GHR: variants seen among roughly 807,000 people sequenced by gnomAD.
GHR encodes growth hormone receptor, also known as GH receptor.
In GHR, 35 loss-of-function variants were observed where a neutral mutation model predicts 67.1. The observed-to-expected ratio is 0.52, with a 90% CI of 0.40 to 0.69. The LOEUF is 0.69. GHR is among the 30% of genes least tolerant of loss of function. GHR has a pLI of 0.00. For synonymous variants in GHR, 272 were observed against 269.1 expected (o/e 1.01, Z -0.10); for missense variants, 792 against 764.6 (o/e 1.04, Z -0.42).
intron 1 of GHR, among the ~76,000 whole-genome samples, chr5:42,429,980 G>A (rs1166918258): frequency 6.6e-6 from 1 of 152,178 alleles, no homozygotes; most frequent in African/African-American, 2.4e-5. Context: ...ACTTCCTTGG[G>A]CAACTGGGAT....
At chr5:42,590,684 T>A (rs996945573) in intron 2 of GHR, among the ~76,000 whole-genome samples, 2 of 152,214 alleles carry the variant, frequency 1.3e-5, no homozygotes, top group African/African-American at 4.8e-5. Context: ...AATGTGACTG[T>A]AGAGCAGCCT....
intron 3 of GHR, among the ~76,000 whole-genome samples, chr5:42,651,824 C>T (rs958889706): frequency 6.6e-6 from 1 of 151,888 alleles, no homozygotes; most frequent in Non-Finnish European, 1.5e-5. Context: ...ACCTCACTCT[C>T]GAGTTAAACT....
intron 2 of GHR, among the ~76,000 whole-genome samples, chr5:42,579,203 G>A (rs1290013121): frequency 6.7e-6 from 1 of 150,062 alleles, no homozygotes; most frequent in African/African-American, 2.4e-5. Context: ...TAGATAGACA[G>A]ATAGATAGAT....
At chr5:42,608,428 C>CT (rs200023038) in intron 2 of GHR, among the ~76,000 whole-genome samples, 8 of 149,866 alleles carry the variant, frequency 5.3e-5, no homozygotes, top group Non-Finnish European at 7.4e-5. Flanking sequence ...CCCCTAACTA[C>CT]TTTTTTTTTA....
chr5:42,450,604 G>A (rs185250369), intron 1 of GHR, among the ~76,000 whole-genome samples: 48 of 151,700 alleles, frequency 3.2e-4, no homozygotes, highest in African/African-American at 1.1e-3. Flanking sequence ...TTGCATTTTT[G>A]TTGTTGTTGT....
Position 42,521,564 on chromosome 5 carries a change from T to C in GHR, c.-11-44300T>C, listed in dbSNP as rs189345646. On this transcript the variant is annotated intron_variant, in intron 1 of 9. Transcript: ENST00000230882. ...TCTTCTCTGAAACATTTCTGTCACA[T>C]TTTAGAAAGCTTTACATTTTCATCT... is the stretch of plus-strand genomic sequence containing the variant. 2.7e-3 allele frequency among the ~76,000 whole-genome samples: 413 copies of C among 152,350 alleles called. 3 individuals carry two copies. The highest frequency in any genetic ancestry group is 3.1e-3 in the Non-Finnish European group (213 of 68,032).
intron 1 of GHR, among the ~76,000 whole-genome samples, chr5:42,506,177 AT>A (rs1269669192): frequency 6.6e-6 from 1 of 152,162 alleles, no homozygotes; most frequent in Non-Finnish European, 1.5e-5. Context: ...CCTAGGCCAT[AT>A]TTTATCCAGT....
At chr5:42,548,759 T>C (rs1748864943) in intron 1 of GHR, among the ~76,000 whole-genome samples, 2 of 152,202 alleles carry the variant, frequency 1.3e-5, no homozygotes, top group Admixed American at 1.3e-4. Flanking sequence ...GAAACTTCTT[T>C]TTTTCTGTGC....
intron 2 of GHR, among the ~76,000 whole-genome samples, chr5:42,596,105 G>C (rs1479032801): frequency 6.6e-6 from 1 of 152,214 alleles, no homozygotes; most frequent in Non-Finnish European, 1.5e-5. Flanking sequence ...AGAGTACGAA[G>C]AAGAATCTGT....
rs1758862017 is a variant in GHR at position 42,718,782 on chromosome 5, C to T, written c.1275C>T (p.Cys425=). 6.2e-7 allele frequency: 1 copy of T among 1,614,052 alleles called. No homozygotes were observed. The highest frequency in any genetic ancestry group is 8.5e-7 in the Non-Finnish European group (1 of 1,179,958). The change falls in exon 10 of 10, where the codon TGC becomes TGT. Residue 425 remains cysteine (C), a synonymous_variant. Transcript: ENST00000230882. ...TAAAAGGGGAAGCAGATCTCTTATG[C>T]CTTGACCAGAAGAATCAAAATAACT... ...QRLKGEADLL[C]LDQKNQNNSP... is the part of the protein sequence containing the mutation.
intron 1 of GHR, among the ~76,000 whole-genome samples, chr5:42,560,126 G>T (rs1749521630): frequency 6.6e-6 from 1 of 152,090 alleles, no homozygotes; most frequent in Admixed American, 6.6e-5. Context: ...TATTTTAGGT[G>T]GTGATTTGTT....
chr5:42,488,172 T>C (rs1171550346), intron 1 of GHR, among the ~76,000 whole-genome samples: 1 of 152,242 alleles, frequency 6.6e-6, no homozygotes, highest in Non-Finnish European at 1.5e-5. Flanking sequence ...TGAACTCTGA[T>C]TATAGTACTA....
At chr5:42,524,607 G>T (rs139977228) in intron 1 of GHR, among the ~76,000 whole-genome samples, 133 of 152,314 alleles carry the variant, frequency 8.7e-4, no homozygotes, top group African/African-American at 2.9e-3. Context: ...ATTTGCATGA[G>T]TAGCAAGGAG....
chr5:42,617,152 T>A (rs1371698273), intron 2 of GHR, among the ~76,000 whole-genome samples: 4 of 151,596 alleles, frequency 2.6e-5, no homozygotes, highest in African/African-American at 9.7e-5. Context: ...GAAAGAGAAA[T>A]GTCTGTTGGG....
intron 3 of GHR, among the ~76,000 whole-genome samples, chr5:42,672,039 A>T (rs1465586468): frequency 3.3e-5 from 5 of 152,026 alleles, no homozygotes; most frequent in African/African-American, 1.2e-4. Context: ...CCACAACAAC[A>T]TAATAATAAA....
chr5:42,685,442 C>A (rs1423611147), intron 3 of GHR, among the ~76,000 whole-genome samples: 3 of 152,122 alleles, frequency 2.0e-5, no homozygotes, highest in African/African-American at 7.2e-5. Flanking sequence ...GATTTATAAT[C>A]CTTTGGGTAT....
chr5:42,474,209 A>AAG (rs775736490), intron 1 of GHR, among the ~76,000 whole-genome samples: 3 of 150,140 alleles, frequency 2.0e-5, no homozygotes, highest in African/African-American at 2.5e-5. Context: ...AGAGAGATGA[A>AAG]AGAGAGAGAG....
chr5:42,444,701 A>G (rs1173565853), intron 1 of GHR, among the ~76,000 whole-genome samples: 1 of 151,934 alleles, frequency 6.6e-6, no homozygotes, highest in Non-Finnish European at 1.5e-5. Context: ...AACATATTCT[A>G]TTTGTTAACT....
At chr5:42,487,635 T>C (rs529319650) in intron 1 of GHR, among the ~76,000 whole-genome samples, 1 of 151,902 alleles carries the variant, frequency 6.6e-6, no homozygotes, top group East Asian at 1.9e-4. Flanking sequence ...CAGTGGGCCA[T>C]ATTTCTTCCT....
Sources: gnomAD v4.1 joint callset for allele counts (sites outside exome capture counted in the v4.1 genomes callset) on GRCh38, gnomAD v4.1.1 for gene constraint, MANE v1.5 for transcripts, NCBI Gene and HGNC (gene_info 2026-07-23, HGNC 2026-07-21) for gene names.